CDH23: variants seen among roughly 807,000 people sequenced by gnomAD.
CDH23 encodes cadherin related 23, also known as cadherin-23.
CDH23 carries 189 observed loss-of-function variants against 317.1 expected under a neutral mutation model. The observed-to-expected ratio is 0.60, with a 90% CI of 0.53 to 0.67. The LOEUF (loss-of-function observed/expected upper bound fraction) is 0.67. CDH23 is among the 30% of genes least tolerant of loss of function. The pLI is 0.00. For missense variants in CDH23, 4,401 were observed against 4,592.4 expected (o/e 0.96, Z 1.20); for synonymous variants, 1,839 against 1,876.8 (o/e 0.98, Z 0.52).
chr10:71,583,747 G>A (rs961613762), intron 9 of CDH23, among the ~76,000 whole-genome samples: 8 of 152,162 alleles, frequency 5.3e-5, no homozygotes, highest in Admixed American at 1.3e-4. Flanking sequence ...GGTGCCTGCC[G>A]TGCACCAGGC....
chr10:71,544,796 C>G (rs981129711), intron 6 of CDH23, among the ~76,000 whole-genome samples: 1 of 152,218 alleles, frequency 6.6e-6, no homozygotes, highest in African/African-American at 2.4e-5. Flanking sequence ...CTAACTCTCC[C>G]CACCTTCAAA....
chr10:71,680,829 C>CTTTTTTTTTTTTTTTTTTTT (rs1312991062), intron 17 of CDH23, among the ~76,000 whole-genome samples: 3 of 70,130 alleles, frequency 4.3e-5, no homozygotes, highest in African/African-American at 1.2e-4. Context: ...TTTTCTTTTT[C>CTTTTTTTTTTTTTTTTTTTT]TTTTTTTTTT....
intron 6 of CDH23, among the ~76,000 whole-genome samples, chr10:71,545,918 C>T (rs890209721): frequency 6.6e-6 from 1 of 152,118 alleles, no homozygotes; most frequent in African/African-American, 2.4e-5. Flanking sequence ...GAGTGACGGG[C>T]AATGCCAGGA....
At chr10:71,597,470 T>C (rs1859935079) in intron 9 of CDH23, among the ~76,000 whole-genome samples, 1 of 152,042 alleles carries the variant, frequency 6.6e-6, no homozygotes, top group African/African-American at 2.4e-5. Flanking sequence ...ACTCCCCACC[T>C]CATCCGCCCT....
intron 3 of CDH23, among the ~76,000 whole-genome samples, chr10:71,452,245 G>A (rs1484563140): frequency 6.6e-6 from 1 of 152,134 alleles, no homozygotes; most frequent in Non-Finnish European, 1.5e-5. Flanking sequence ...AGGGGGTCTA[G>A]AAGGGATCCT....
intron 48 of CDH23, among the ~76,000 whole-genome samples, chr10:71,795,064 A>G (rs753393240): frequency 2.6e-5 from 4 of 152,238 alleles, no homozygotes; most frequent in Non-Finnish European, 5.9e-5. Context: ...GGGATGAGAT[A>G]TATGCCACAG....
At chr10:71,572,478 G>C (rs529033296) in intron 8 of CDH23, among the ~76,000 whole-genome samples, 1 of 152,208 alleles carries the variant, frequency 6.6e-6, no homozygotes, top group South Asian at 2.1e-4. Flanking sequence ...GTTCAGCAGG[G>C]ACAGGGTCTG....
At chr10:71,462,540 C>T (rs565073390) in intron 3 of CDH23, among the ~76,000 whole-genome samples, 1 of 152,344 alleles carries the variant, frequency 6.6e-6, no homozygotes, top group East Asian at 1.9e-4. Context: ...AGGCCATGTG[C>T]CAAGGAGCAA....
chr10:71,758,534 C>T (rs1021953134), intron 38 of CDH23, among the ~76,000 whole-genome samples: 1 of 152,206 alleles, frequency 6.6e-6, no homozygotes, highest in African/African-American at 2.4e-5. Flanking sequence ...CTCTGGCAAG[C>T]ACCGGGGGGC....
chr10:71,720,910 G>A (rs903100583), intron 28 of CDH23, among the ~76,000 whole-genome samples: 13 of 152,348 alleles, frequency 8.5e-5, no homozygotes, highest in African/African-American at 3.1e-4. Flanking sequence ...GGCAGGGGCA[G>A]GCAGTAGGCA....
At chr10:71,647,033 T>G (rs530017227) in intron 14 of CDH23, 2 of 985,466 alleles carry the variant, frequency 2.0e-6, no homozygotes, top group Admixed American at 1.2e-4. Context: ...CACCCCCAGC[T>G]GCCCATGGCT....
At chr10:71,479,901 C>T (rs1194810799) in intron 3 of CDH23, among the ~76,000 whole-genome samples, 1 of 152,156 alleles carries the variant, frequency 6.6e-6, no homozygotes, top group Non-Finnish European at 1.5e-5. Flanking sequence ...GATGATGTTC[C>T]TGTTAGTATC....
At chr10:71,622,823 G>A (rs528399560) in intron 11 of CDH23, 98 of 435,356 alleles carry the variant, frequency 2.3e-4, no homozygotes, top group African/African-American at 1.4e-3. Context: ...GAGAGGGATC[G>A]GGGTAGGGAT....
intron 32 of CDH23, among the ~76,000 whole-genome samples, chr10:71,733,889 G>A (rs868786881): frequency 6.6e-6 from 1 of 152,212 alleles, no homozygotes; most frequent in African/African-American, 2.4e-5. Flanking sequence ...ACACAAAGAT[G>A]AACAAGACCC....
intron 38 of CDH23, among the ~76,000 whole-genome samples, chr10:71,760,316 T>C (rs67406844): frequency 0.26 from 30,812 of 116,474 alleles, 9,335 homozygotes; most frequent in African/African-American, 0.64. Flanking sequence ...TACACACACA[T>C]ATATATATAT....
intron 28 of CDH23, among the ~76,000 whole-genome samples, chr10:71,723,540 G>A (rs892239233): frequency 5.3e-5 from 8 of 152,236 alleles, no homozygotes; most frequent in South Asian, 2.1e-4. Flanking sequence ...CATTGTGTGG[G>A]AGGAGGGCTC....
intron 11 of CDH23, chr10:71,623,043 C>A (rs1034930156): frequency 6.5e-5 from 48 of 735,134 alleles, no homozygotes; most frequent in Non-Finnish European, 7.6e-5. Flanking sequence ...TATGTGCCTG[C>A]CACTGTGCTA....
chr10:71,624,133 C>T (rs926360960), intron 11 of CDH23, among the ~76,000 whole-genome samples: 2 of 152,196 alleles, frequency 1.3e-5, no homozygotes, highest in African/African-American at 4.8e-5. Context: ...GCCCACTGAC[C>T]CTGCAGCCAG....
At chr10:71,701,885 G>A (rs551661704) in intron 22 of CDH23, 137 bp from the exon 23 acceptor site, 12 of 856,466 alleles carry the variant, frequency 1.4e-5, no homozygotes, top group African/African-American at 3.3e-5. Context: ...CGGGCCCAGC[G>A]GGGATGCCCA....
Sources: allele counts gnomAD v4.1 joint callset (sites outside exome capture counted in the v4.1 genomes callset), GRCh38; gene constraint gnomAD v4.1.1; transcripts MANE v1.5; gene names NCBI Gene and HGNC (gene_info 2026-07-23, HGNC 2026-07-21).